The following SCRIB variants were observed in gnomAD, a reference collection of about 807,000 sequenced individuals.
SCRIB encodes the protein scribble planar cell polarity protein.
A neutral mutation model predicts 170.0 loss-of-function variants in SCRIB; 72 were observed. That is an observed-to-expected ratio of 0.42 (90% CI 0.35 to 0.52). SCRIB has a LOEUF of 0.52. Ranked by LOEUF, SCRIB falls within the 20% of genes least tolerant of loss-of-function variation. SCRIB has a pLI of 0.02. For missense variants in SCRIB, 2,475 were observed against 2,338.5 expected (o/e 1.06, Z -1.20); for synonymous variants, 1,298 against 1,044.3 (o/e 1.24, Z -4.68).
At chr8:143,804,238 G>C (rs547766738) in intron 21 of SCRIB, 82 bp from the exon 22 acceptor site, 55 of 1,066,404 alleles carry the variant, frequency 5.2e-5, no homozygotes, top group Admixed American at 2.8e-4. Context: ...GTCCGTCCCG[G>C]TCCTTGGGGA....
chr8:143,805,074 C>T, intron 19 of SCRIB, 38 bp downstream of exon 19: 1 of 1,588,808 alleles, frequency 6.3e-7, no homozygotes, highest in Non-Finnish European at 8.5e-7. Context: ...GCTGTCAGCT[C>T]TAGAGCAGCC....
In SCRIB at chr8:143,792,711, C is replaced by T; in HGVS notation, c.4174G>A (p.Glu1392Lys). 1 of 1,587,966 alleles carries T rather than the reference C, an allele frequency of 6.3e-7. No individual in the cohort carries two copies. Among genetic ancestry groups the T allele is most frequent in the Non-Finnish European group, 8.5e-7 (1 of 1,172,892 alleles). Residue 1392 changes from glutamate (E) to lysine (K), a missense_variant, in exon 30 of 37, where the codon GAA becomes AAA. By Grantham distance (56) the Glu-to-Lys change is moderately conservative. Transcript: ENST00000356994. ...ADDLRKMQEE[E>K]ARKLQQKRAQ... is the part of the protein sequence containing the mutation. The stretch of plus-strand genomic sequence containing the variant: ...ACCCCACTTCCGTGCCCCTCACCTT[C>T]CTCCTCCTGCATCTTCCGCAGGTCG...
intron 24 of SCRIB, among the ~76,000 whole-genome samples, chr8:143,799,787 C>T (rs1235928002): frequency 2.1e-5 from 3 of 144,144 alleles, no homozygotes; most frequent in African/African-American, 8.6e-5. Flanking sequence ...TAGGCTCTGA[C>T]AGACAGACGT....
intron 9 of SCRIB, 34 bp from the exon 10 acceptor site, chr8:143,811,379 G>A (rs573978407): frequency 1.3e-5 from 21 of 1,584,982 alleles, no homozygotes; most frequent in East Asian, 1.1e-4. Flanking sequence ...GGACGCTAGG[G>A]GCTTGCTGGG....
At chr8:143,797,846 A>G (rs1815008843) in intron 24 of SCRIB, among the ~76,000 whole-genome samples, 1 of 152,264 alleles carries the variant, frequency 6.6e-6, no homozygotes, top group African/African-American at 2.4e-5. Context: ...CCCTTCCACG[A>G]CGGAGCACGT....
At chr8:143,791,814 C>T in intron 34 of SCRIB, 62 bp downstream of exon 34, 1 of 1,475,534 alleles carries the variant, frequency 6.8e-7, no homozygotes, top group Non-Finnish European at 9.2e-7. Flanking sequence ...GGGGTGGGGG[C>T]AGGCCAGACC....
intron 15 of SCRIB, 43 bp from the exon 16 acceptor site, chr8:143,807,657 C>T (rs1443495797): frequency 6.8e-7 from 1 of 1,479,346 alleles, no homozygotes; most frequent in African/African-American, 1.4e-5. Flanking sequence ...TAGCCACCGC[C>T]AAGACCACCA....
chr8:143,807,158 G>T, intron 16 of SCRIB, 145 bp from the exon 17 acceptor site: 1 of 664,420 alleles, frequency 1.5e-6, no homozygotes, highest in Non-Finnish European at 2.7e-6. Context: ...ACCAGCCAGG[G>T]CCAGCCCAGA....
At chr8:143,806,569 AC>A in intron 17 of SCRIB, 85 bp from the exon 18 acceptor site, 1 of 1,124,464 alleles carries the variant, frequency 8.9e-7, no homozygotes, top group Non-Finnish European at 1.3e-6. Context: ...GGAGGGGAAG[AC>A]CCACTCCCAG....
chr8:143,803,416 G>C lies in SCRIB; in HGVS notation c.3570C>G (p.Asp1190Glu), dbSNP rs781843987. 6.3e-7 allele frequency: 1 copy of C among 1,590,854 alleles called. No homozygotes were observed. Residue 1190 changes from aspartate to glutamate, a missense_variant, in exon 24 of 37, where the codon GAC (aspartate) becomes GAG (glutamate). This residue lies in a region of SCRIB where 1,966 missense variants were observed against 1,742.9 expected (regional missense o/e 1.13). Coordinates refer to ENST00000356994, the MANE Select transcript of SCRIB (RefSeq NM_182706.5). ...CTGCGTCGGTGCTGGCCTCAAAGCC[G>C]TCACAGACCAGCACGGTGAGGGTGT... ...VGDTLTVLVC[D>E]GFEASTDAAL...
chr8:143,805,349 C>A lies in SCRIB; in HGVS notation c.2433G>T (p.Val811=), dbSNP rs1009074850. Residue 811 remains valine, a synonymous_variant, in exon 19 of 37, where the codon GTG becomes GTT. Coordinates refer to ENST00000356994, the MANE Select transcript of SCRIB (RefSeq NM_182706.5). ...CAGGCTCCACCATGCGCTCCCGCCACACTCGCATCTGCACGGCAGTGCCGG... is the reference window on the plus strand; with the variant it reads ...CAGGCTCCACCATGCGCTCCCGCCAAACTCGCATCTGCACGGCAGTGCCGG... The part of the protein sequence containing the change: ...RGAGTAVQMR[V]WRERMVEPEN... 1.3e-6 allele frequency: 2 copies of A among 1,551,828 alleles called. No individual in the cohort carries two copies. Among genetic ancestry groups the A allele is most frequent in the South Asian group, 2.3e-5 (2 of 85,362 alleles).
chr8:143,812,281 C>A lies in SCRIB; in HGVS notation c.891G>T (p.Thr297=), dbSNP rs758847188. 4.3e-6 allele frequency: 7 copies of A among 1,609,434 alleles called. 1 individual carries two copies. In the Admixed American group the frequency reaches 8.3e-5, roughly 19 times the overall value. Residue 297 remains threonine, a synonymous_variant, in exon 9 of 37, where the codon ACG becomes ACT. Transcript: ENST00000356994. Reference sequence around the variant, plus strand: ...CAGACCCTACCATCAGCAGGTTCTCCGTGAGGATCAGCTCAGAGAGGTTCT... The same window carrying A: ...CAGACCCTACCATCAGCAGGTTCTCAGTGAGGATCAGCTCAGAGAGGTTCT... ...DCENLSELIL[T]ENLLMALPRS... is the part of the protein sequence containing the mutation.
chr8:143,801,667 C>T (rs1169563337), intron 24 of SCRIB, among the ~76,000 whole-genome samples: 6 of 152,166 alleles, frequency 3.9e-5, no homozygotes, highest in Admixed American at 1.3e-4. Flanking sequence ...AGTGCTGGGG[C>T]GGACAGCGAG....
chr8:143,806,208 C>T (rs555400483), intron 18 of SCRIB, among the ~76,000 whole-genome samples, 199 bp downstream of exon 18: 1 of 152,306 alleles, frequency 6.6e-6, no homozygotes, highest in Admixed American at 6.5e-5. Flanking sequence ...AGGGTGACAA[C>T]GGAAAGCCCA....
At chr8:143,807,494 AGCCCGG>A in intron 16 of SCRIB, 52 bp downstream of exon 16, 1 of 1,409,274 alleles carries the variant, frequency 7.1e-7, no homozygotes, top group Non-Finnish European at 1.0e-6. Flanking sequence ...GTGAGCCCAC[AGCCCGG>A]GAAGCAAGGC....
rs1427139827 is a variant in SCRIB at position 143,811,172 on chromosome 8, C to T, written c.1080G>A (p.Leu360=). 1.9e-6 allele frequency: 3 copies of T among 1,609,814 alleles called. No individual in the cohort carries two copies. The highest frequency in any genetic ancestry group is 1.7e-6 in the Non-Finnish European group (2 of 1,178,642). Residue 360 remains leucine, a synonymous_variant, in exon 10 of 37, where the codon CTG becomes CTA. Transcript: ENST00000356994. ...GGTTCCCCGCCACGTCCAGCACGTG[C>T]AGCTCTGTCGTGTGGGCCAGCTCTG... ...LPPELAHTTE[L]HVLDVAGNRL...
intron 18 of SCRIB, 51 bp from the exon 19 acceptor site, chr8:143,805,486 A>G (rs7830442): frequency 0.84 from 1,204,907 of 1,428,848 alleles, 512,141 homozygotes; most frequent in Non-Finnish European, 0.87. Flanking sequence ...CGCCACAGAC[A>G]GCCACGTGCT....
chr8:143,805,520 G>A (rs1815386048), intron 18 of SCRIB, 85 bp from the exon 19 acceptor site: 1 of 1,316,076 alleles, frequency 7.6e-7, no homozygotes, highest in African/African-American at 1.5e-5. Flanking sequence ...GCTCCCTCCA[G>A]GATGGGGAGA....
At position 143,809,946 on chromosome 8, in the gene SCRIB, G is replaced by A. The variant is rs138104023; in HGVS notation, c.1531-228C>T. Among the ~76,000 whole-genome samples the A allele has an allele frequency of 2.5e-3, 384 of 152,288 alleles. 2 individuals carry two copies. The highest frequency in any genetic ancestry group is 8.8e-3 in the African/African-American group (365 of 41,548). On this transcript the variant is annotated intron_variant, in intron 13 of 36. Transcript: ENST00000356994. ...CACGGTTCCACAGCCCAGCCCCAAG[G>A]AAAGCCTTTCCTAAAACAAACAAGG...
Sources: gnomAD v4.1 joint callset for allele counts (sites outside exome capture counted in the v4.1 genomes callset) on GRCh38, gnomAD v4.1.1 for gene constraint, gnomAD v4.1.1 regional missense constraint, MANE v1.5 for transcripts, NCBI Gene and HGNC (gene_info 2026-07-23, HGNC 2026-07-21) for gene names.